Variants in CABYR observed in about 807,000 individuals in gnomAD.
CABYR encodes calcium binding tyrosine phosphorylation regulated, also known as calcium-binding tyrosine phosphorylation-regulated protein.
In CABYR, 31 loss-of-function variants were observed where a neutral mutation model predicts 36.1. That is an observed-to-expected ratio of 0.86 (90% CI 0.64 to 1.16). The LOEUF is 1.16. CABYR is among the 50% of genes most tolerant of loss of function. The pLI, the probability that CABYR is intolerant of heterozygous loss-of-function variation, is 0.00. For synonymous variants in CABYR, 146 were observed against 160.7 expected, an observed-to-expected ratio of 0.91 and a Z score of 0.69; for missense variants, 429 against 455.8, an observed-to-expected ratio of 0.94 and a Z score of 0.53.
intron 3 of CABYR, among the ~76,000 whole-genome samples, chr18:24,149,743 G>T (rs138769888): frequency 6.6e-6 from 1 of 152,216 alleles, no homozygotes; most frequent in African/African-American, 2.4e-5. Flanking sequence ...GCACAGCGCC[G>T]GTGGGCTGGC....
chr18:24,158,679 G>A lies in CABYR; in HGVS notation c.542-793G>A, dbSNP rs145527243. 2.9e-3 allele frequency among the ~76,000 whole-genome samples: 435 copies of A among 152,200 alleles called. 1 individual carries two copies. Among genetic ancestry groups the A allele is most frequent in the African/African-American group, 0.01 (417 of 41,546 alleles). ...CTGCACCGGGGATAGATGGCCCAGCGTTCAAAAGGTAAACTCGGCACATTT... is the reference window on the plus strand; with the variant it reads ...CTGCACCGGGGATAGATGGCCCAGCATTCAAAAGGTAAACTCGGCACATTT... On this transcript the variant is annotated intron_variant, in intron 4 of 5. Transcript: ENST00000399496.
At chr18:24,156,552 A>C in intron 4 of CABYR, 1 of 1,614,212 alleles carries the variant, frequency 6.2e-7, no homozygotes, top group Non-Finnish European at 8.5e-7. Context: ...AGTAGAAAAG[A>C]CCACCTCTGG....
In CABYR at chr18:24,155,701, T is replaced by C; in HGVS notation, c.200T>C (p.Val67Ala). ...AACCCATCTGGTTGTTGTTTTTCAG[T>C]AGAGAAATGGTCAGAAGGAACGACA... ...DLVKQFHQIKVEKWSEGTTPQ... is the reference protein window; with the variant it reads ...DLVKQFHQIKAEKWSEGTTPQ... The change falls in exon 4 of 6, where the codon GTA (valine) becomes GCA (alanine). Residue 67 changes from valine to alanine, a missense_variant and splice_region_variant. By Grantham distance (64) the Val-to-Ala change is moderately conservative. Transcript: ENST00000399496. The C allele has an allele frequency of 1.3e-6, 2 of 1,571,230 alleles. No homozygotes were observed. The highest frequency in any genetic ancestry group is 2.2e-5 in the East Asian group (1 of 44,598).
At chr18:24,161,074 A>G (rs2085963500) in intron 5 of CABYR, among the ~76,000 whole-genome samples, 1 of 148,582 alleles carries the variant, frequency 6.7e-6, no homozygotes, top group Non-Finnish European at 1.5e-5. Context: ...TGCTATGTGG[A>G]AAACAGATTA....
intron 1 of CABYR, 65 bp from the exon 2 acceptor site, chr18:24,143,022 CAAAA>C (rs11320479): frequency 1.2e-3 from 807 of 698,234 alleles, no homozygotes; most frequent in East Asian, 2.5e-3. Context: ...GACAGAGTCT[CAAAA>C]AAAAAAAAAA....
chr18:24,157,214 A>C (rs2085813258), intron 4 of CABYR, among the ~76,000 whole-genome samples: 2 of 152,308 alleles, frequency 1.3e-5, no homozygotes, highest in South Asian at 4.1e-4. Flanking sequence ...CTGGCCTCAG[A>C]GTTTGGTCAT....
At chr18:24,159,414 T>C (rs1406609493) in intron 4 of CABYR, 58 bp from the exon 5 acceptor site, 1 of 1,141,412 alleles carries the variant, frequency 8.8e-7, no homozygotes, top group Non-Finnish European at 1.3e-6. Flanking sequence ...GACATTACTA[T>C]GCATAGTGCC....
intron 4 of CABYR, among the ~76,000 whole-genome samples, chr18:24,158,443 C>T (rs1271531749): frequency 2.0e-5 from 3 of 151,834 alleles, no homozygotes; most frequent in African/African-American, 7.3e-5. Flanking sequence ...CTCAGCCTTC[C>T]GAGTAGCTGG....
chr18:24,159,379 T>C (rs1368937269), intron 4 of CABYR, 93 bp from the exon 5 acceptor site: 1 of 853,326 alleles, frequency 1.2e-6, no homozygotes, highest in African/African-American at 1.7e-5. Context: ...CTACAGCTGT[T>C]TTATATGTAA....
At chr18:24,158,891 G>C (rs773780695) in intron 4 of CABYR, among the ~76,000 whole-genome samples, 4 of 152,076 alleles carry the variant, frequency 2.6e-5, no homozygotes, top group Non-Finnish European at 4.4e-5. Context: ...CTGCCACCTA[G>C]GATCTATGAT....
chr18:24,151,134 T>C (rs974643534), intron 3 of CABYR, among the ~76,000 whole-genome samples: 4 of 131,810 alleles, frequency 3.0e-5, no homozygotes, highest in African/African-American at 1.2e-4. Context: ...TGGGCAGTTA[T>C]GTACTTCAGT....
chr18:24,151,890 A>C (rs1477071354), intron 3 of CABYR, among the ~76,000 whole-genome samples: 3 of 152,206 alleles, frequency 2.0e-5, no homozygotes, highest in Middle Eastern at 3.4e-3. Context: ...GAATTTCACT[A>C]TGTTGGCTGG....
At chr18:24,144,806 A>G (rs146697546) in intron 3 of CABYR, among the ~76,000 whole-genome samples, 1 of 152,370 alleles carries the variant, frequency 6.6e-6, no homozygotes, top group Admixed American at 6.5e-5. Flanking sequence ...CTTTTAAACT[A>G]GAAGGGACAG....
chr18:24,161,409 T>G, intron 5 of CABYR, 107 bp from the exon 6 acceptor site: 1 of 696,158 alleles, frequency 1.4e-6, no homozygotes, highest in Non-Finnish European at 2.7e-6. Flanking sequence ...TTAAGCTTAG[T>G]AACAGAGCAG....
At chr18:24,153,046 T>C (rs1361228011) in intron 3 of CABYR, among the ~76,000 whole-genome samples, 1 of 152,220 alleles carries the variant, frequency 6.6e-6, no homozygotes, top group East Asian at 1.9e-4. Context: ...TTTCTCAGCA[T>C]CTGTGCTTCC....
chr18:24,143,901 T>G (rs1051955461), intron 3 of CABYR, among the ~76,000 whole-genome samples: 1 of 151,314 alleles, frequency 6.6e-6, no homozygotes, highest in Non-Finnish European at 1.5e-5. Context: ...TTGGAAGGTT[T>G]TTTTTTTTTC....
At chr18:24,140,453 T>C (rs913785068) in intron 1 of CABYR, among the ~76,000 whole-genome samples, 1 of 152,112 alleles carries the variant, frequency 6.6e-6, no homozygotes, top group African/African-American at 2.4e-5. Context: ...ACAGTAGGTG[T>C]ATATATTTAT....
At chr18:24,152,653 T>C (rs1199094215) in intron 3 of CABYR, 1 of 152,196 alleles carries the variant, frequency 6.6e-6, no homozygotes, top group Non-Finnish European at 1.5e-5. Context: ...TAGACGTAAT[T>C]TCAGGTACCA....
At chr18:24,142,361 A>T (rs1353138603) in intron 1 of CABYR, among the ~76,000 whole-genome samples, 1 of 128,154 alleles carries the variant, frequency 7.8e-6, no homozygotes, top group Non-Finnish European at 1.7e-5. Context: ...TAGAAAAATA[A>T]GGAAAAACAT....
Sources: allele counts gnomAD v4.1 joint callset (sites outside exome capture counted in the v4.1 genomes callset), GRCh38; gene constraint gnomAD v4.1.1; transcripts MANE v1.5; gene names NCBI Gene and HGNC (gene_info 2026-07-23, HGNC 2026-07-21).